The following HTATIP2 variants were observed in gnomAD, a reference collection of about 807,000 sequenced individuals.
HTATIP2 encodes HIV-1 Tat interactive protein 2.
HTATIP2 carries 26 observed loss-of-function variants against 24.7 expected under a neutral mutation model. That is an observed-to-expected ratio of 1.05 (90% CI 0.77 to 1.46). The LOEUF (loss-of-function observed/expected upper bound fraction) is 1.46. Among genes scored for constraint, HTATIP2 ranks in the 40% most tolerant of loss-of-function variants. The pLI is 0.00. For missense variants in HTATIP2, 284 were observed against 289.6 expected, an observed-to-expected ratio of 0.98 and a Z score of 0.14; for synonymous variants, 99 against 113.2, an observed-to-expected ratio of 0.87 and a Z score of 0.79.
chr11:20,371,544 A>C (rs1310615939), intron 2 of HTATIP2, among the ~76,000 whole-genome samples: 1 of 151,746 alleles, frequency 6.6e-6, no homozygotes, highest in Non-Finnish European at 1.5e-5. Flanking sequence ...CAATCCTCCC[A>C]CCTCAGCCTC....
At chr11:20,380,669 C>T (rs1376086014) in intron 3 of HTATIP2, among the ~76,000 whole-genome samples, 4 of 34,680 alleles carry the variant, frequency 1.2e-4, no homozygotes, top group East Asian at 1.4e-3. Context: ...GAGACTCCAT[C>T]TCAAAAAAAA....
intron 3 of HTATIP2, among the ~76,000 whole-genome samples, chr11:20,380,603 C>T (rs1256823714): frequency 4.4e-5 from 6 of 136,194 alleles, no homozygotes; most frequent in Admixed American, 1.7e-4. Context: ...ACCCGGGAGG[C>T]GGAGCTTGCA....
chr11:20,383,039 T>C lies in HTATIP2; in HGVS notation c.563T>C (p.Phe188Ser). 6.2e-7 allele frequency: 1 copy of C among 1,613,996 alleles called. No individual in the cohort carries two copies. The highest frequency in any genetic ancestry group is 8.5e-7 in the Non-Finnish European group (1 of 1,180,004). Residue 188 changes from phenylalanine (F) to serine (S), a missense_variant, in exon 5 of 5, where the codon TTT becomes TCT. Coordinates refer to ENST00000451739, the MANE Select transcript of HTATIP2 (RefSeq NM_001098522.2). ...RPGEWLVRKF[F>S]GSLPDSWASG... ...GGTGAATGGCTGGTTAGAAAGTTCT[T>C]TGGCTCCTTACCAGACTCTTGGGCC...
At chr11:20,379,247 T>TACAACG (rs1408320245) in intron 3 of HTATIP2, among the ~76,000 whole-genome samples, 4 of 152,172 alleles carry the variant, frequency 2.6e-5, no homozygotes, top group Admixed American at 1.3e-4. Flanking sequence ...TTAAGGCCAA[T>TACAACG]ACAACGGAAA....
intron 3 of HTATIP2, among the ~76,000 whole-genome samples, chr11:20,381,552 T>C (rs984184895): frequency 6.6e-6 from 1 of 152,178 alleles, no homozygotes; most frequent in Middle Eastern, 3.4e-3. Flanking sequence ...TAAGTGCCAA[T>C]TGAGTGGTAC....
chr11:20,381,308 C>T lies in HTATIP2; in HGVS notation c.442-870C>T, dbSNP rs189685878. On this transcript the variant is annotated intron_variant, in intron 3 of 4. Coordinates refer to ENST00000451739, the MANE Select transcript of HTATIP2 (RefSeq NM_001098522.2). ...TACAAAAATTAGCCAGGCATAATGG[C>T]GGATGCCTGTAATCCCAGCTACTTG... Among the ~76,000 whole-genome samples, 17 of 152,090 alleles carry T rather than the reference C, an allele frequency of 1.1e-4. No individual in the cohort carries two copies. The East Asian group carries it at 2.5e-3, about 22-fold the overall frequency.
chr11:20,364,060 G>C lies in HTATIP2; in HGVS notation c.-178G>C, dbSNP rs10437608. The C allele has an allele frequency of 1.5e-6, 2 of 1,355,896 alleles. No individual in the cohort carries two copies. Among genetic ancestry groups the C allele is most frequent in the African/African-American group, 3.0e-5 (2 of 67,392 alleles). The allele number at this position is 1,355,896 out of a possible 1,614,324, so 84.0% of individuals were successfully genotyped here. A position where few individuals can be genotyped will look rare whatever the true frequency, so the allele number is the denominator to read the frequency against. On this transcript the variant is annotated 5_prime_UTR_variant, in exon 1 of 5. Coordinates refer to ENST00000451739, the MANE Select transcript of HTATIP2 (RefSeq NM_001098522.2). ...CCTTCCGATGGGTCTGCTGGCTCAG[G>C]TGCGGGCGATGGCCGGGGAGCCGCG...
At chr11:20,377,025 C>T (rs925555912) in intron 3 of HTATIP2, among the ~76,000 whole-genome samples, 1 of 152,138 alleles carries the variant, frequency 6.6e-6, no homozygotes, top group South Asian at 2.1e-4. Flanking sequence ...ACTTTTCCGT[C>T]AGTCTCCCTA....
At chr11:20,364,648 C>T (rs576746388) in intron 1 of HTATIP2, among the ~76,000 whole-genome samples, 1 of 152,240 alleles carries the variant, frequency 6.6e-6, no homozygotes, top group East Asian at 1.9e-4. Flanking sequence ...TGGTCTTGGG[C>T]AAAGCCCTTC....
At position 20,363,780 on chromosome 11, in the gene HTATIP2, C is replaced by G. The variant is rs953333646; in HGVS notation, c.-458C>G. The G allele has an allele frequency of 2.4e-6, 3 of 1,240,864 alleles. No homozygotes were observed. Among genetic ancestry groups the G allele is most frequent in the Admixed American group, 4.2e-5 (1 of 23,682 alleles). 76.9% of individuals were successfully genotyped at this position (1,240,864 alleles called of 1,614,324 possible). On this transcript the variant is annotated 5_prime_UTR_variant, in exon 1 of 5. Transcript: ENST00000451739. ...CGCTGTCTCCGTCGCCTCCAACCCC[C>G]CCGGTCCGACCAGGGAAGGTGGGAT...
At chr11:20,377,129 CT>C (rs11441867) in intron 3 of HTATIP2, among the ~76,000 whole-genome samples, 25 of 144,202 alleles carry the variant, frequency 1.7e-4, no homozygotes, top group East Asian at 6.1e-4. Flanking sequence ...ACTTTCTTTT[CT>C]TTTTTTTTTT....
chr11:20,363,900 G>C lies in HTATIP2; in HGVS notation c.-338G>C, dbSNP rs1184830702. 1.6e-6 allele frequency: 2 copies of C among 1,242,934 alleles called. No individual in the cohort carries two copies. The highest frequency in any genetic ancestry group is 3.2e-5 in the East Asian group (1 of 31,712). The allele number at this position is 1,242,934 out of a possible 1,614,324, so 77.0% of individuals were successfully genotyped here. Reference sequence around the variant, plus strand: ...CTGCGTCGTGAGGACCCGGGGCCGGGGGCTGGCCCCAGGTAACCCCTCCGC... The same window carrying C: ...CTGCGTCGTGAGGACCCGGGGCCGGCGGCTGGCCCCAGGTAACCCCTCCGC... On this transcript the variant is annotated 5_prime_UTR_variant, in exon 1 of 5. Coordinates refer to ENST00000451739, the MANE Select transcript of HTATIP2 (RefSeq NM_001098522.2).
At chr11:20,366,067 A>C (rs1470914504) in intron 1 of HTATIP2, among the ~76,000 whole-genome samples, 1 of 144,720 alleles carries the variant, frequency 6.9e-6, no homozygotes, top group African/African-American at 2.5e-5. Flanking sequence ...ACTTTGTGAA[A>C]CCCTATTTTT....
intron 1 of HTATIP2, among the ~76,000 whole-genome samples, chr11:20,365,178 A>G (rs1182875126): frequency 6.6e-6 from 1 of 151,992 alleles, no homozygotes; most frequent in Admixed American, 6.6e-5. Flanking sequence ...GAGACGAGAC[A>G]AGGTTTCACC....
intron 2 of HTATIP2, among the ~76,000 whole-genome samples, chr11:20,368,108 GAAGA>G (rs2064732391): frequency 6.6e-6 from 1 of 151,536 alleles, no homozygotes; most frequent in Admixed American, 6.6e-5. Flanking sequence ...AAATAAAACA[GAAGA>G]AAGTGAAAAA....
chr11:20,379,654 G>A (rs1316056314), intron 3 of HTATIP2, among the ~76,000 whole-genome samples: 1 of 152,166 alleles, frequency 6.6e-6, no homozygotes, highest in Non-Finnish European at 1.5e-5. Flanking sequence ...AGACGTGTCA[G>A]GATGTGGAGC....
intron 3 of HTATIP2, among the ~76,000 whole-genome samples, chr11:20,381,647 T>G (rs967532153): frequency 6.6e-6 from 1 of 152,146 alleles, no homozygotes; most frequent in African/African-American, 2.4e-5. Context: ...CCTCAGGCAT[T>G]TTGTTTCCAG....
At chr11:20,381,170 G>T (rs1172373325) in intron 3 of HTATIP2, among the ~76,000 whole-genome samples, 2 of 152,192 alleles carry the variant, frequency 1.3e-5, no homozygotes, top group Non-Finnish European at 2.9e-5. Flanking sequence ...CAAGCGCGGT[G>T]GCTCTCGCCT....
Position 20,383,416 on chromosome 11 carries a change from T to C in HTATIP2, c.*211T>C, listed in dbSNP as rs1157137878. The stretch of plus-strand genomic sequence containing the variant: ...TCAGGGAGCTTTGGAAAAATAAAGA[T>C]TTGTCAGCCCTATCTCAAACTTGAA... On this transcript the variant is annotated 3_prime_UTR_variant, in exon 5 of 5. Coordinates refer to ENST00000451739, the MANE Select transcript of HTATIP2 (RefSeq NM_001098522.2). The C allele has an allele frequency of 5.8e-6, 3 of 521,440 alleles. No individual in the cohort carries two copies. In the African/African-American group the frequency reaches 5.9e-5, roughly 10 times the overall value. 32.3% of individuals were successfully genotyped at this position (521,440 alleles called of 1,614,324 possible). A position where few individuals can be genotyped will look rare whatever the true frequency, so the allele number is the denominator to read the frequency against.
Sources: allele counts gnomAD v4.1 joint callset (sites outside exome capture counted in the v4.1 genomes callset), GRCh38; gene constraint gnomAD v4.1.1; transcripts MANE v1.5; gene names NCBI Gene and HGNC (gene_info 2026-07-23, HGNC 2026-07-21).